Variants in WDR45 observed in about 807,000 individuals in gnomAD.
The protein encoded by WDR45 is WD repeat domain 45.
WDR45 carries 2 observed loss-of-function variants against 27.3 expected under a neutral mutation model. That is an observed-to-expected ratio of 0.07 (90% confidence interval 0.03 to 0.23). The LOEUF (loss-of-function observed/expected upper bound fraction) is 0.23, where lower values mean the gene tolerates loss of function less well. Ranked by LOEUF, WDR45 falls within the 10% of genes least tolerant of loss-of-function variation. The pLI is 1.00. For synonymous variants in WDR45, 99 were observed against 119.2 expected, an observed-to-expected ratio of 0.83 and a Z score of 1.11; for missense variants, 175 against 311.9, an observed-to-expected ratio of 0.56 and a Z score of 3.31.
At chrX:49,077,090 A>G (rs1395527361) in intron 4 of WDR45, 10 of 234,954 alleles carry the variant, frequency 4.3e-5, no homozygotes, top group Non-Finnish European at 6.1e-5. Context: ...GTCCTAGTCC[A>G]TGCACCCTGG....
At position 49,077,625 on chromosome X, in the gene WDR45, C is replaced by A. The variant is rs55727094; in HGVS notation, c.235+18G>T. 65,855 of 1,174,583 alleles carry A rather than the reference C, an allele frequency of 0.056. 1,497 individuals carry two copies. Among genetic ancestry groups the A allele is most frequent in the Non-Finnish European group, 0.063 (55,324 of 874,433 alleles). ...AATCCGAGAAATCTGGGCCAAAGGG[C>A]AGGATGAGGGCACTTACCTGAGATC... is the stretch of plus-strand genomic sequence containing the variant. On this transcript the variant is annotated intron_variant, in intron 4 of 10. Transcript: ENST00000376372.
At chrX:49,096,137 A>T (rs782007979) in intron 2 of WDR45, among the ~76,000 whole-genome samples, 57 of 110,128 alleles carry the variant, frequency 5.2e-4, no homozygotes, top group Non-Finnish European at 9.3e-4. Flanking sequence ...GATGCTCTGG[A>T]TTTGACATTG....
In WDR45 at chrX:49,078,508, C is replaced by T. The variant is rs143302275; in HGVS notation, c.-17-396G>A. Among the ~76,000 whole-genome samples the T allele has an allele frequency of 5.8e-4, 65 of 111,449 alleles. 3 individuals are homozygous for T. In the South Asian group the frequency reaches 0.015, roughly 25 times the overall value. On this transcript the variant is annotated intron_variant, in intron 1 of 10. Transcript: ENST00000376372. Reference sequence around the variant, plus strand: ...TTGCATTCCAGCCTGGGTGACAGAGCGAGACTCCGTCTCGGGGGGAAGAAA... The same window carrying T: ...TTGCATTCCAGCCTGGGTGACAGAGTGAGACTCCGTCTCGGGGGGAAGAAA...
upstream of WDR45, chrX:49,080,428 T>C (rs1267537222): frequency 9.0e-6 from 1 of 111,576 alleles, no homozygotes; most frequent in Non-Finnish European, 1.9e-5. Flanking sequence ...GCTCTGAGTT[T>C]TGTCTTTTGT....
chrX:49,074,923 G>T lies in WDR45; in HGVS notation c.974-11C>A, dbSNP rs782577582. The T allele has an allele frequency of 8.4e-7, 1 of 1,188,114 alleles. No individual in the cohort carries two copies. Among genetic ancestry groups the T allele is most frequent in the East Asian group, 3.0e-5 (1 of 33,779 alleles). On this transcript the variant is annotated splice_polypyrimidine_tract_variant and intron_variant, in intron 10 of 10. Transcript: ENST00000376372. ...CATCTACGCAGATGGCTGGGGGAGG[G>T]GGGGTGGTAAAAGGTCAGAGGCTGC...
chrX:49,086,607 T>C (rs868911104), intron 2 of WDR45, among the ~76,000 whole-genome samples: 42 of 110,639 alleles, frequency 3.8e-4, no homozygotes, highest in Admixed American at 1.1e-3. Flanking sequence ...CTTTTTTTTT[T>C]CCCCGAGGCG....
chrX:49,093,881 G>A (rs782454604), intron 2 of WDR45, among the ~76,000 whole-genome samples: 3 of 105,092 alleles, frequency 2.9e-5, no homozygotes, highest in South Asian at 8.8e-4. Flanking sequence ...TCACTCTATC[G>A]CCCAAGCTGG....
chrX:49,094,330 G>A (rs1286053098), intron 2 of WDR45, among the ~76,000 whole-genome samples: 1 of 110,921 alleles, frequency 9.0e-6, no homozygotes, highest in Non-Finnish European at 1.9e-5. Context: ...TTAGCCATGC[G>A]TGGTGGTGTA....
chrX:49,083,903 C>T (rs1188754566), upstream of WDR45, among the ~76,000 whole-genome samples: 63 of 92,040 alleles, frequency 6.8e-4, no homozygotes, highest in East Asian at 0.018. Flanking sequence ...GCTGAGATTG[C>T]ACCACTGCAC....
chrX:49,099,662 TC>T (rs1464797684), intron 2 of WDR45, among the ~76,000 whole-genome samples: 17 of 109,149 alleles, frequency 1.6e-4, no homozygotes, highest in African/African-American at 5.7e-4. Context: ...GCGCCTGTAG[TC>T]CCAGCTACTC....
upstream of WDR45, chrX:49,082,201 C>T (rs1475702753): frequency 9.5e-6 from 1 of 104,810 alleles, no homozygotes; most frequent in Admixed American, 1.1e-4. Context: ...AAATCTCATA[C>T]TTTTAATACA....
rs201618213 is a variant in WDR45, at chrX:49,074,926, G to C, written c.974-14C>G. 6 of 1,164,052 alleles carry C rather than the reference G, an allele frequency of 5.2e-6. No individual in the cohort carries two copies. Among genetic ancestry groups the C allele is most frequent in the East Asian group, 6.0e-5 (2 of 33,611 alleles). On this transcript the variant is annotated splice_polypyrimidine_tract_variant and intron_variant, in intron 10 of 10. Transcript: ENST00000376372. ...CTACGCAGATGGCTGGGGGAGGGGG[G>C]GTGGTAAAAGGTCAGAGGCTGCCAC... is the stretch of plus-strand genomic sequence containing the variant.
Position 49,074,769 on chromosome X carries a change from C to A in WDR45, c.*34G>T. The A allele has an allele frequency of 1.8e-6, 2 of 1,127,280 alleles. No individual in the cohort carries two copies. The highest frequency in any genetic ancestry group is 2.4e-6 in the Non-Finnish European group (2 of 820,303). The allele number at this position is 1,127,280 out of a possible 1,213,427, so 92.9% of individuals were successfully genotyped here. On this transcript the variant is annotated 3_prime_UTR_variant, in exon 11 of 11. Transcript: ENST00000376372. Reference sequence around the variant, plus strand: ...GCCAAGGCTCAGCTCTGCAGTTCTGCCACTGCAGGTCCCTAGCACAGCCCC... The same window carrying A: ...GCCAAGGCTCAGCTCTGCAGTTCTGACACTGCAGGTCCCTAGCACAGCCCC...
chrX:49,099,797 A>C lies in WDR45; in HGVS notation c.-18+408T>G, dbSNP rs1447083297. On this transcript the variant is annotated intron_variant, in intron 2 of 11. Transcript: ENST00000356463. ...CTATGTCTCAAAAAAAAAAAAACAAAAAAAAACAAAAAAAAACACACAGTG... is the reference window on the plus strand; with the variant it reads ...CTATGTCTCAAAAAAAAAAAAACAACAAAAAACAAAAAAAAACACACAGTG... Among the ~76,000 whole-genome samples, 27 of 95,473 alleles carry C rather than the reference A, an allele frequency of 2.8e-4. 4 individuals are homozygous for C. Among genetic ancestry groups the C allele is most frequent in the African/African-American group, 1.1e-3 (25 of 21,893 alleles). The allele number at this position is 95,473 out of a possible 115,157, so 82.9% of individuals were successfully genotyped here. A position where few individuals can be genotyped will look rare whatever the true frequency, so the allele number is the denominator to read the frequency against.
At chrX:49,080,808 TAAAAAAAA>T (rs374071162), upstream of WDR45, among the ~76,000 whole-genome samples, 1 of 81,274 alleles carries the variant, frequency 1.2e-5, no homozygotes, top group African/African-American at 4.7e-5. Flanking sequence ...TGCTTTGGGT[TAAAAAAAA>T]AAAAAAAAAG....
intron 4 of WDR45, chrX:49,077,050 T>G: frequency 1.4e-5 from 4 of 291,638 alleles, no homozygotes; most frequent in Non-Finnish European, 1.8e-5. Flanking sequence ...GGCCTGTAAC[T>G]TCCCCTCGGT....
intron 2 of WDR45, among the ~76,000 whole-genome samples, chrX:49,090,471 C>T (rs1429073295): frequency 1.8e-5 from 2 of 112,067 alleles, no homozygotes. Context: ...ATGATATGTA[C>T]ATCTTACCTT....
At chrX:49,088,428 G>T (rs2065093727) in intron 2 of WDR45, among the ~76,000 whole-genome samples, 1 of 111,175 alleles carries the variant, frequency 9.0e-6, no homozygotes, top group African/African-American at 3.3e-5. Context: ...ACAACGAAGA[G>T]AACCAAGAAG....
upstream of WDR45, chrX:49,081,931 C>G (rs1364085256): frequency 2.3e-5 from 2 of 88,384 alleles, no homozygotes; most frequent in African/African-American, 8.6e-5. Context: ...TGCAGTGAGC[C>G]AAGATCGCGC....
Sources: gnomAD v4.1 joint callset for allele counts (sites outside exome capture counted in the v4.1 genomes callset) on GRCh38, gnomAD v4.1.1 for gene constraint, MANE v1.5 for transcripts, NCBI Gene and HGNC (gene_info 2026-07-23, HGNC 2026-07-21) for gene names.